TSHR: variants seen among roughly 807,000 people sequenced by gnomAD.
The protein encoded by TSHR is thyrotropin receptor.
In TSHR, 51 loss-of-function variants were observed where a neutral mutation model predicts 64.1. The ratio of observed to expected loss-of-function variants is 0.80; its 90% confidence interval spans 0.64 to 1.01. The LOEUF (loss-of-function observed/expected upper bound fraction) is 1.01, where lower values mean the gene tolerates loss of function less well. Ranked by LOEUF, TSHR falls within the 50% of genes least tolerant of loss-of-function variation. The pLI, the probability that TSHR is intolerant of heterozygous loss-of-function variation, is 0.00. For missense variants in TSHR, 877 were observed against 942.8 expected (o/e 0.93, Z 0.91); for synonymous variants, 361 against 361.9 (o/e 1.00, Z 0.03).
intron 1 of TSHR, among the ~76,000 whole-genome samples, chr14:80,980,444 C>T (rs77932265): frequency 0.086 from 13,139 of 152,206 alleles, 726 homozygotes; most frequent in South Asian, 0.21. Context: ...TCTCTCCCCA[C>T]GCAGGGATTA....
intron 1 of TSHR, chr14:81,032,543 G>A: frequency 2.5e-6 from 1 of 405,440 alleles, no homozygotes; most frequent in East Asian, 6.8e-5. Flanking sequence ...AAAATTCAGA[G>A]AAGACTGTAG....
chr14:80,969,091 A>G (rs942327646), intron 1 of TSHR, among the ~76,000 whole-genome samples: 2 of 152,188 alleles, frequency 1.3e-5, no homozygotes, highest in Non-Finnish European at 2.9e-5. Context: ...GCTACATAGA[A>G]CACAATAGCA....
chr14:81,003,865 G>A (rs893886213), intron 1 of TSHR, among the ~76,000 whole-genome samples: 5 of 151,732 alleles, frequency 3.3e-5, no homozygotes, highest in South Asian at 2.1e-4. Context: ...ATCTTCATTC[G>A]TCTTTAACTT....
chr14:81,138,371 A>G (rs1595170802), intron 8 of TSHR, among the ~76,000 whole-genome samples: 1 of 151,510 alleles, frequency 6.6e-6, no homozygotes, highest in East Asian at 2.0e-4. Context: ...TTGTGTTTTT[A>G]GTAGAGATGG....
chr14:81,035,219 C>A (rs1884561700), intron 1 of TSHR, among the ~76,000 whole-genome samples: 1 of 152,114 alleles, frequency 6.6e-6, no homozygotes, highest in Non-Finnish European at 1.5e-5. Context: ...ACTTTGATAC[C>A]TTCTGGGAAA....
chr14:81,037,289 A>G (rs1418903978), intron 1 of TSHR, among the ~76,000 whole-genome samples: 2 of 151,658 alleles, frequency 1.3e-5, no homozygotes, highest in Admixed American at 1.3e-4. Context: ...CCCCATGGTA[A>G]CCACAAAGAA....
At chr14:81,085,641 G>C (rs1888232844) in intron 3 of TSHR, among the ~76,000 whole-genome samples, 2 of 152,132 alleles carry the variant, frequency 1.3e-5, no homozygotes, top group Admixed American at 1.3e-4. Flanking sequence ...ACCCAGGTGG[G>C]CTGCATTTTC....
rs121908863 is a variant in TSHR at position 81,092,547 on chromosome 14, C to T, written c.484C>T (p.Pro162Ser). 3.1e-6 allele frequency: 5 copies of T among 1,613,988 alleles called. No individual in the cohort carries two copies. The highest frequency in any genetic ancestry group is 1.7e-4 in the Middle Eastern group (1 of 6,060). Reference sequence around the variant, plus strand: ...CTCTTGCAGTGAAATTACAGACAACCCTTACATGACGTCAATCCCTGTGAA... The same window carrying T: ...CTCTTGCAGTGAAATTACAGACAACTCTTACATGACGTCAATCCCTGTGAA... ...IFFILEITDN[P>S]YMTSIPVNAF... Residue 162 changes from proline (P) to serine (S), a missense_variant, in exon 6 of 10, where the codon CCT becomes TCT. Physicochemically the swap from Pro to Ser is moderately conservative, Grantham distance 74 (BLOSUM62 -1). Transcript: ENST00000298171.
intron 1 of TSHR, among the ~76,000 whole-genome samples, chr14:80,967,451 A>G (rs1887380000): frequency 1.3e-5 from 2 of 151,704 alleles, no homozygotes; most frequent in Non-Finnish European, 2.9e-5. Flanking sequence ...TACCTGGATT[A>G]TTTTTGTATT....
intron 1 of TSHR, among the ~76,000 whole-genome samples, chr14:81,045,011 T>C (rs1053894332): frequency 5.3e-5 from 8 of 152,122 alleles, no homozygotes; most frequent in African/African-American, 1.9e-4. Flanking sequence ...TGCCCATCAA[T>C]GACAGACTGA....
At chr14:81,057,165 C>A (rs1469011105) in intron 1 of TSHR, among the ~76,000 whole-genome samples, 2 of 152,174 alleles carry the variant, frequency 1.3e-5, no homozygotes, top group Non-Finnish European at 2.9e-5. Context: ...AATCCCAGCA[C>A]TTTGGGAGGC....
intron 1 of TSHR, chr14:80,983,281 T>G: frequency 8.4e-7 from 1 of 1,195,366 alleles, no homozygotes; most frequent in Non-Finnish European, 1.2e-6. Context: ...TCAAAGATAC[T>G]AGGGCAACTG....
At position 81,143,390 on chromosome 14, in the gene TSHR, C is replaced by T. The variant is rs1891785996; in HGVS notation, c.1332C>T (p.Tyr444=). ...TGCTTATTCTCCTCACCAGCCACTA[C>T]AAACTGAACGTCCCCCGCTTTCTCA... ...FVLLILLTSH[Y]KLNVPRFLMC... The change falls in exon 10 of 10, where the codon TAC becomes TAT. Residue 444 remains tyrosine, a synonymous_variant. Coordinates refer to ENST00000298171, the MANE Select transcript of TSHR (RefSeq NM_000369.5). 1.2e-6 allele frequency: 2 copies of T among 1,614,224 alleles called. No homozygotes were observed. The highest frequency in any genetic ancestry group is 1.7e-6 in the Non-Finnish European group (2 of 1,180,042).
chr14:81,031,658 G>C (rs17545722), intron 1 of TSHR, among the ~76,000 whole-genome samples: 37,063 of 151,930 alleles, frequency 0.24, 4,614 homozygotes, highest in South Asian at 0.33. Context: ...AACCACAGAG[G>C]CAGTGGATCT....
chr14:81,038,492 A>C (rs1884762559), intron 1 of TSHR, among the ~76,000 whole-genome samples: 1 of 151,580 alleles, frequency 6.6e-6, no homozygotes, highest in South Asian at 2.1e-4. Context: ...AATAAAGATC[A>C]GAGCAGAAAT....
chr14:80,978,979 C>T (rs558998890), intron 1 of TSHR, among the ~76,000 whole-genome samples: 1 of 152,316 alleles, frequency 6.6e-6, no homozygotes, highest in Non-Finnish European at 1.5e-5. Context: ...CTTTTCTGAG[C>T]ACTAAACTTA....
chr14:81,091,903 C>T (rs947190923), intron 5 of TSHR, among the ~76,000 whole-genome samples: 5 of 152,190 alleles, frequency 3.3e-5, no homozygotes, highest in East Asian at 3.9e-4. Flanking sequence ...AATGAAAGGA[C>T]GTAAGGCAGA....
At chr14:81,120,567 A>T (rs1202351424) in intron 8 of TSHR, among the ~76,000 whole-genome samples, 2 of 152,188 alleles carry the variant, frequency 1.3e-5, no homozygotes, top group African/African-American at 4.8e-5. Context: ...CTTAGTTCTA[A>T]CAGGTTTTTG....
chr14:81,051,500 G>T (rs1885429720), intron 1 of TSHR: 1 of 152,130 alleles, frequency 6.6e-6, no homozygotes, highest in East Asian at 1.9e-4. Flanking sequence ...TGTGAATACT[G>T]CTGCAGTGAA....
Sources: allele counts gnomAD v4.1 joint callset (sites outside exome capture counted in the v4.1 genomes callset), GRCh38; gene constraint gnomAD v4.1.1; transcripts MANE v1.5; gene names NCBI Gene and HGNC (gene_info 2026-07-23, HGNC 2026-07-21).